Variants in EDA observed in about 807,000 individuals in gnomAD.
The protein encoded by EDA is ectodysplasin-A.
Under a neutral mutation model 23.6 loss-of-function variants are expected in EDA, and 2 were observed. The ratio of observed to expected loss-of-function variants is 0.08; its 90% CI spans 0.03 to 0.27. The LOEUF is 0.27. Ranked by LOEUF, EDA falls within the 10% of genes least tolerant of loss-of-function variation. The pLI, the probability that EDA is intolerant of heterozygous loss-of-function variation, is 1.00. For missense variants in EDA, 229 were observed against 324.2 expected (o/e 0.71, Z 2.26); for synonymous variants, 131 against 132.0 (o/e 0.99, Z 0.05).
intron 1 of EDA, among the ~76,000 whole-genome samples, chrX:69,702,820 T>C (rs1334464150): frequency 8.9e-6 from 1 of 111,818 alleles, no homozygotes; most frequent in Admixed American, 9.5e-5. Context: ...TTAAGTCAGT[T>C]AAAACTGTAA....
chrX:70,016,605 A>T (rs2019954039), intron 2 of EDA, among the ~76,000 whole-genome samples: 1 of 111,995 alleles, frequency 8.9e-6, no homozygotes. Context: ...AACCATACAA[A>T]TAACCTGCTC....
chrX:69,733,723 C>G (rs1215266599), intron 1 of EDA, among the ~76,000 whole-genome samples: 1 of 111,374 alleles, frequency 9.0e-6, no homozygotes, highest in Non-Finnish European at 1.9e-5. Flanking sequence ...ATTGATTCTT[C>G]CTATCCATGA....
intron 1 of EDA, among the ~76,000 whole-genome samples, chrX:69,685,644 C>A (rs1449662378): frequency 9.0e-6 from 1 of 111,709 alleles, no homozygotes; most frequent in African/African-American, 3.2e-5. Context: ...TTTTAAAGAA[C>A]AAGATAAATA....
chrX:70,034,533 G>A (rs1166767935), intron 7 of EDA, among the ~76,000 whole-genome samples: 1 of 111,622 alleles, frequency 9.0e-6, no homozygotes, highest in East Asian at 2.8e-4. Flanking sequence ...GGTGGGGGTG[G>A]GCGGCAGATC....
At chrX:69,721,302 A>G (rs1321877187) in intron 1 of EDA, among the ~76,000 whole-genome samples, 1 of 112,063 alleles carries the variant, frequency 8.9e-6, no homozygotes, top group Admixed American at 9.4e-5. Flanking sequence ...GGTTTGTGAG[A>G]TAAAGAAGCT....
At position 69,957,096 on chromosome X, in the gene EDA, C is replaced by A; in HGVS notation, c.466C>A (p.Arg156Ser). 1 of 1,211,152 alleles carries A rather than the reference C, an allele frequency of 8.3e-7. No homozygotes were observed. Among genetic ancestry groups the A allele is most frequent in the Non-Finnish European group, 1.1e-6 (1 of 895,105 alleles). ...TGAAGAAGAAAGTAGGCGTGTTCGCCGCAATAAAAGAAGCAAAAGCAATGA... is the reference window on the plus strand; with the variant it reads ...TGAAGAAGAAAGTAGGCGTGTTCGCAGCAATAAAAGAAGCAAAAGCAATGA... ...YSEEESRRVRRNKRSKSNEGA... is the reference protein window; with the variant it reads ...YSEEESRRVRSNKRSKSNEGA... Residue 156 changes from arginine (R) to serine (S), a missense_variant, in exon 2 of 8, where the codon CGC becomes AGC. Physicochemically the swap from Arg to Ser is moderately radical, Grantham distance 110. Coordinates refer to ENST00000374552, the MANE Select transcript of EDA (RefSeq NM_001399.5).
chrX:69,953,024 G>A lies in EDA; in HGVS notation c.397-4003G>A, dbSNP rs922291634. On this transcript the variant is annotated intron_variant, in intron 1 of 7. Transcript: ENST00000374552. ...GAATAGCCTACCCTTGTAGAACTTG[G>A]GTGTATGATAGATTCACCAATCTAG... 7.2e-5 allele frequency among the ~76,000 whole-genome samples: 8 copies of A among 111,460 alleles called. No homozygotes were observed. The Admixed American group carries it at 7.7e-4, about 11-fold the overall frequency.
chrX:69,827,154 T>C (rs1475597350), intron 1 of EDA, among the ~76,000 whole-genome samples: 10 of 111,884 alleles, frequency 8.9e-5, no homozygotes, highest in South Asian at 3.8e-4. Flanking sequence ...ATTTCAACTT[T>C]GGTGAATCTG....
chrX:69,842,425 G>A (rs1251523852), intron 1 of EDA, among the ~76,000 whole-genome samples: 1 of 111,525 alleles, frequency 9.0e-6, no homozygotes, highest in Non-Finnish European at 1.9e-5. Context: ...CACAATAAAT[G>A]TAATGCATTT....
intron 1 of EDA, among the ~76,000 whole-genome samples, chrX:69,681,228 G>A (rs1287374720): frequency 2.7e-5 from 3 of 110,611 alleles, no homozygotes; most frequent in Admixed American, 9.6e-5. Context: ...AGGGTAACCC[G>A]ACCTTTCTCT....
chrX:69,975,128 G>A (rs1452575024), intron 2 of EDA, among the ~76,000 whole-genome samples: 1 of 111,382 alleles, frequency 9.0e-6, no homozygotes, highest in Non-Finnish European at 1.9e-5. Context: ...ATATCCAAAA[G>A]AAAATAAACC....
At chrX:70,007,699 T>C (rs1045873242) in intron 2 of EDA, among the ~76,000 whole-genome samples, 2 of 111,575 alleles carry the variant, frequency 1.8e-5, no homozygotes, top group African/African-American at 6.5e-5. Context: ...AAGTGACATC[T>C]TAACAATATT....
At chrX:69,798,550 C>T (rs1449666417) in intron 1 of EDA, among the ~76,000 whole-genome samples, 1 of 111,535 alleles carries the variant, frequency 9.0e-6, no homozygotes, top group Non-Finnish European at 1.9e-5. Context: ...AATTAAACAA[C>T]ATGCTCCTGG....
intron 1 of EDA, among the ~76,000 whole-genome samples, chrX:69,664,443 T>G (rs979851991): frequency 4.5e-5 from 5 of 111,992 alleles, no homozygotes; most frequent in African/African-American, 1.6e-4. Context: ...ACCATGATTG[T>G]GAGGCCTCCC....
intron 1 of EDA, among the ~76,000 whole-genome samples, chrX:69,788,670 C>T (rs1468588567): frequency 1.8e-5 from 2 of 112,448 alleles, no homozygotes; most frequent in Admixed American, 1.9e-4. Flanking sequence ...CAGCTGCGTG[C>T]TGGGAGAACC....
intron 1 of EDA, among the ~76,000 whole-genome samples, chrX:69,748,429 A>G (rs1164141079): frequency 8.9e-6 from 1 of 111,979 alleles, no homozygotes; most frequent in Non-Finnish European, 1.9e-5. Context: ...GCAAAGGTTT[A>G]TTACCAAGGA....
intron 2 of EDA, among the ~76,000 whole-genome samples, chrX:69,969,118 T>A (rs1216779476): frequency 1.8e-5 from 2 of 111,835 alleles, no homozygotes; most frequent in Non-Finnish European, 3.8e-5. Flanking sequence ...AAAGAAGAGG[T>A]CTTTGTGCAG....
chrX:69,647,150 G>C (rs1932947786), intron 1 of EDA, among the ~76,000 whole-genome samples: 1 of 111,180 alleles, frequency 9.0e-6, no homozygotes, highest in Admixed American at 9.6e-5. Flanking sequence ...CAACCTTGCA[G>C]AATCTGATGA....
At chrX:69,817,705 C>A (rs1302196757) in intron 1 of EDA, among the ~76,000 whole-genome samples, 7 of 111,955 alleles carry the variant, frequency 6.3e-5, no homozygotes, top group Non-Finnish European at 9.4e-5. Context: ...AATACAGGAG[C>A]AATCAGATTC....
Sources: allele counts gnomAD v4.1 joint callset (sites outside exome capture counted in the v4.1 genomes callset), GRCh38; gene constraint gnomAD v4.1.1; transcripts MANE v1.5; gene names NCBI Gene and HGNC (gene_info 2026-07-23, HGNC 2026-07-21).